Variants in ADAM7 observed in about 807,000 individuals in gnomAD.
ADAM7 encodes the protein disintegrin and metalloproteinase domain-containing protein 7.
In ADAM7, 97 loss-of-function variants were observed where a neutral mutation model predicts 102.9. The ratio of observed to expected loss-of-function variants is 0.94; its 90% CI spans 0.80 to 1.12. The LOEUF (loss-of-function observed/expected upper bound fraction) is 1.12. Ranked by LOEUF, ADAM7 falls within the 50% of genes most tolerant of loss-of-function variation. ADAM7 has a pLI of 0.00. For missense variants in ADAM7, 991 were observed against 908.7 expected (o/e 1.09, Z -1.16); for synonymous variants, 334 against 304.4 (o/e 1.10, Z -1.01).
At chr8:24,454,068 G>T (rs1563375214) in intron 3 of ADAM7, among the ~76,000 whole-genome samples, 2 of 152,200 alleles carry the variant, frequency 1.3e-5, no homozygotes, top group Non-Finnish European at 2.9e-5. Flanking sequence ...CTACTGGGGG[G>T]TGCCTCCCAG....
intron 20 of ADAM7, among the ~76,000 whole-genome samples, chr8:24,503,681 G>T (rs1168535735): frequency 2.0e-5 from 3 of 152,130 alleles, no homozygotes; most frequent in Admixed American, 1.3e-4. Context: ...ATATACCATG[G>T]AATACTATGC....
At chr8:24,480,693 T>C (rs1045370187) in intron 8 of ADAM7, among the ~76,000 whole-genome samples, 10 of 152,084 alleles carry the variant, frequency 6.6e-5, no homozygotes, top group African/African-American at 2.2e-4. Context: ...AATCCCACGT[T>C]AAAATAATTA....
Position 24,494,484 on chromosome 8 carries a change from G to T in ADAM7, c.1842+1255G>T, listed in dbSNP as rs149306060. Among the ~76,000 whole-genome samples, 5 of 151,552 alleles carry T rather than the reference G, an allele frequency of 3.3e-5. No individual in the cohort carries two copies. In the East Asian group the frequency reaches 5.8e-4, roughly 18 times the overall value. ...CAAAGTGCTTCCTTCTTTAAGAGTGGCAAGGACTGAAGAAAGGGGCTGTTA... is the reference window on the plus strand; with the variant it reads ...CAAAGTGCTTCCTTCTTTAAGAGTGTCAAGGACTGAAGAAAGGGGCTGTTA... On this transcript the variant is annotated intron_variant, in intron 16 of 21. Transcript: ENST00000175238.
chr8:24,472,713 AATCC>A (rs1168011304), intron 7 of ADAM7, among the ~76,000 whole-genome samples: 1 of 152,018 alleles, frequency 6.6e-6, no homozygotes, highest in Non-Finnish European at 1.5e-5. Flanking sequence ...AAACAATATA[AATCC>A]AAAGAAGGTA....
chr8:24,507,564 CT>C, intron 21 of ADAM7, 29 bp downstream of exon 21: 4 of 1,571,708 alleles, frequency 2.5e-6, no homozygotes, highest in Non-Finnish European at 3.5e-6. Context: ...TAGTACCTCC[CT>C]TTTTTATTTT....
chr8:24,468,821 G>GT lies in ADAM7; in HGVS notation c.633+2dup, dbSNP rs1441014096. 1.2e-6 allele frequency: 2 copies of GT among 1,611,486 alleles called. No homozygotes were observed. Among genetic ancestry groups the GT allele is most frequent in the Non-Finnish European group, 1.7e-6 (2 of 1,178,194 alleles). Reference sequence around the variant, plus strand: ...GTTCATTGTTGCTGATGATACTGTGGTAAGTTTTCAATAGAACATTTCTCT... The same window carrying GT: ...GTTCATTGTTGCTGATGATACTGTGGTTAAGTTTTCAATAGAACATTTCTCT... On this transcript the variant is annotated splice_donor_variant, in intron 7 of 21. Coordinates refer to ENST00000175238, the MANE Select transcript of ADAM7 (RefSeq NM_003817.4). LOFTEE classifies it high-confidence loss of function.
chr8:24,459,505 G>C, intron 3 of ADAM7, among the ~76,000 whole-genome samples: 1 of 151,966 alleles, frequency 6.6e-6, no homozygotes, highest in Non-Finnish European at 1.5e-5. Context: ...TTCCCAGGCT[G>C]GAGTGCAGTG....
intron 20 of ADAM7, chr8:24,506,299 C>A: frequency 1.5e-6 from 1 of 679,508 alleles, no homozygotes; most frequent in Non-Finnish European, 2.5e-6. Flanking sequence ...AGAAATGGGA[C>A]ACTCTGACAC....
At chr8:24,444,344 T>C (rs1252403357) in intron 2 of ADAM7, among the ~76,000 whole-genome samples, 1 of 151,804 alleles carries the variant, frequency 6.6e-6, no homozygotes, top group Non-Finnish European at 1.5e-5. Flanking sequence ...AAATAATTTA[T>C]GTAGATGCTG....
chr8:24,472,335 A>T (rs2129384608), intron 7 of ADAM7, among the ~76,000 whole-genome samples: 1 of 152,154 alleles, frequency 6.6e-6, no homozygotes, highest in East Asian at 1.9e-4. Flanking sequence ...ATATTTGAAA[A>T]AATTAAGTGG....
At chr8:24,468,655 T>C in intron 6 of ADAM7, 112 bp from the exon 7 acceptor site, 1 of 860,430 alleles carries the variant, frequency 1.2e-6, no homozygotes. Context: ...CCCCATTTTG[T>C]ATCAATATCA....
Position 24,498,057 on chromosome 8 carries a change from A to G in ADAM7, c.1843-1179A>G, listed in dbSNP as rs533800247. ...TAGACTGCACCTATTTTTTGAAAAGAAAAATAGTCAAGAACGTATTCCAGC... is the reference window on the plus strand; with the variant it reads ...TAGACTGCACCTATTTTTTGAAAAGGAAAATAGTCAAGAACGTATTCCAGC... On this transcript the variant is annotated intron_variant, in intron 16 of 21. Transcript: ENST00000175238. 2.6e-5 allele frequency among the ~76,000 whole-genome samples: 4 copies of G among 152,148 alleles called. 1 individual carries two copies. The highest frequency in any genetic ancestry group is 9.6e-5 in the African/African-American group (4 of 41,568).
intron 20 of ADAM7, among the ~76,000 whole-genome samples, chr8:24,506,753 G>T (rs1820962915): frequency 6.9e-6 from 1 of 144,192 alleles, no homozygotes; most frequent in Admixed American, 7.0e-5. Flanking sequence ...CTGAGTCAAA[G>T]CACACACACA....
chr8:24,475,317 A>G (rs535341256), intron 7 of ADAM7, among the ~76,000 whole-genome samples: 161 of 152,298 alleles, frequency 1.1e-3, no homozygotes, highest in African/African-American at 3.6e-3. Context: ...ATTTTTATCA[A>G]TCAATCAATG....
At chr8:24,445,955 A>G (rs1407146619) in intron 2 of ADAM7, among the ~76,000 whole-genome samples, 3 of 152,102 alleles carry the variant, frequency 2.0e-5, no homozygotes, top group African/African-American at 4.8e-5. Context: ...CATTTCTCCT[A>G]TTATGATGCT....
At position 24,487,663 on chromosome 8, in the gene ADAM7, A is replaced by G. The variant is rs981062935; in HGVS notation, c.1091+346A>G. 6.6e-5 allele frequency among the ~76,000 whole-genome samples: 10 copies of G among 151,976 alleles called. 1 individual carries two copies. Among genetic ancestry groups the G allele is most frequent in the Admixed American group, 2.6e-4 (4 of 15,250 alleles). ...AAAAAAAAAGAAAAAAAAAGAAAAG[A>G]AAAAAATATGTTTCAAAAGTGGATT... is the stretch of plus-strand genomic sequence containing the variant. On this transcript the variant is annotated intron_variant, in intron 11 of 21. Coordinates refer to ENST00000175238, the MANE Select transcript of ADAM7 (RefSeq NM_003817.4).
chr8:24,506,897 G>A (rs1302318804), intron 20 of ADAM7, among the ~76,000 whole-genome samples: 5 of 152,024 alleles, frequency 3.3e-5, no homozygotes, highest in Non-Finnish European at 7.4e-5. Context: ...AGAACTGGGC[G>A]CTGAATACAC....
chr8:24,465,810 T>C lies in ADAM7; in HGVS notation c.389+35T>C, dbSNP rs772584187. Reference sequence around the variant, plus strand: ...AATATCTTTCTTTTTCCTTTATGAGTTTTCCTATGGATTTTCAAAGAAGTT... The same window carrying C: ...AATATCTTTCTTTTTCCTTTATGAGCTTTCCTATGGATTTTCAAAGAAGTT... On this transcript the variant is annotated intron_variant, in intron 5 of 21. Coordinates refer to ENST00000175238, the MANE Select transcript of ADAM7 (RefSeq NM_003817.4). 2.7e-6 allele frequency: 4 copies of C among 1,487,344 alleles called. No homozygotes were observed. In the South Asian group the frequency reaches 3.9e-5, roughly 14 times the overall value. 92.1% of individuals were successfully genotyped at this position (1,487,344 alleles called of 1,614,324 possible). A position where few individuals can be genotyped will look rare whatever the true frequency, so the allele number is the denominator to read the frequency against.
chr8:24,477,042 C>A lies in ADAM7; in HGVS notation c.705+538C>A, dbSNP rs565628893. Among the ~76,000 whole-genome samples the A allele has an allele frequency of 1.8e-4, 27 of 152,080 alleles. No homozygotes were observed. The Middle Eastern group carries it at 0.01, about 57-fold the overall frequency. On this transcript the variant is annotated intron_variant, in intron 8 of 21. Transcript: ENST00000175238. ...AGCCCTATTACTAGGATAAAGAGAC[C>A]CCATAAGAAAAAGCTGTAAGGAAGG...
Sources: gnomAD v4.1 joint callset for allele counts (sites outside exome capture counted in the v4.1 genomes callset) on GRCh38, gnomAD v4.1.1 for gene constraint, MANE v1.5 for transcripts, NCBI Gene and HGNC (gene_info 2026-07-23, HGNC 2026-07-21) for gene names.